Variants in SPATS2 observed in about 807,000 individuals in gnomAD.
SPATS2 encodes the protein spermatogenesis-associated serine-rich protein 2.
A neutral mutation model predicts 63.7 loss-of-function variants in SPATS2; 38 were observed. That is an observed-to-expected ratio of 0.60 (90% CI 0.46 to 0.78). The LOEUF (loss-of-function observed/expected upper bound fraction) is 0.78. Among genes scored for constraint, SPATS2 ranks in the 30% least tolerant of loss-of-function variants. The pLI is 0.00. For synonymous variants in SPATS2, 207 were observed against 232.9 expected (o/e 0.89, Z 1.01); for missense variants, 588 against 666.2 (o/e 0.88, Z 1.29).
chr12:49,378,321 G>A (rs1021208696), intron 2 of SPATS2, among the ~76,000 whole-genome samples: 5 of 142,340 alleles, frequency 3.5e-5, no homozygotes, highest in East Asian at 3.9e-4. Context: ...CTTTTGAGAC[G>A]GAGTCTCACT....
At chr12:49,478,284 C>A (rs1483544342) in intron 3 of SPATS2, among the ~76,000 whole-genome samples, 5 of 152,134 alleles carry the variant, frequency 3.3e-5, no homozygotes, top group Non-Finnish European at 7.4e-5. Flanking sequence ...CAGCCAGAAT[C>A]TTTAGTTGTG....
chr12:49,491,750 A>G (rs1037674999), intron 6 of SPATS2, among the ~76,000 whole-genome samples: 1 of 152,196 alleles, frequency 6.6e-6, no homozygotes, highest in African/African-American at 2.4e-5. Context: ...CAAATACATA[A>G]TACAACGCCT....
chr12:49,449,553 G>A (rs762087875), intron 2 of SPATS2, among the ~76,000 whole-genome samples: 3 of 152,078 alleles, frequency 2.0e-5, no homozygotes, highest in Non-Finnish European at 2.9e-5. Context: ...CTGTTCCCAC[G>A]CTGCAAATAA....
chr12:49,409,567 C>T (rs189457938), intron 2 of SPATS2, among the ~76,000 whole-genome samples: 1 of 145,826 alleles, frequency 6.9e-6, no homozygotes, highest in East Asian at 2.0e-4. Context: ...GCTGGAATTA[C>T]AGGCGTGAGC....
chr12:49,379,374 C>T (rs1592340715), intron 2 of SPATS2, among the ~76,000 whole-genome samples: 4 of 148,940 alleles, frequency 2.7e-5, no homozygotes, highest in Non-Finnish European at 4.5e-5. Context: ...GGTGAAACCC[C>T]GTCTCTACTA....
chr12:49,423,118 A>G (rs1285938266), intron 2 of SPATS2, among the ~76,000 whole-genome samples: 1 of 150,894 alleles, frequency 6.6e-6, no homozygotes, highest in Non-Finnish European at 1.5e-5. Flanking sequence ...TTGCCTTGCT[A>G]GCACTCTGGT....
chr12:49,462,711 G>A (rs987735628), intron 3 of SPATS2: 3 of 516,226 alleles, frequency 5.8e-6, no homozygotes, highest in African/African-American at 1.9e-5. Flanking sequence ...TTGGTGGGGT[G>A]CGGGTAGATA....
chr12:49,481,075 T>C (rs1441209946), intron 3 of SPATS2, among the ~76,000 whole-genome samples: 3 of 152,200 alleles, frequency 2.0e-5, no homozygotes, highest in Non-Finnish European at 4.4e-5. Flanking sequence ...ACAAAACCTG[T>C]AGTATTTACA....
At chr12:49,460,104 G>A (rs1353719490) in intron 2 of SPATS2, among the ~76,000 whole-genome samples, 2 of 151,030 alleles carry the variant, frequency 1.3e-5, no homozygotes, top group African/African-American at 2.4e-5. Context: ...GCGAAACTCC[G>A]CCTCAAAAAA....
chr12:49,378,489 G>A (rs906185347), intron 2 of SPATS2, among the ~76,000 whole-genome samples: 1 of 151,266 alleles, frequency 6.6e-6, no homozygotes, highest in Admixed American at 6.6e-5. Flanking sequence ...TAGTAGAGAC[G>A]GGTTTCACCG....
intron 1 of SPATS2, among the ~76,000 whole-genome samples, chr12:49,369,766 GT>G (rs1943966933): frequency 6.6e-6 from 1 of 152,186 alleles, no homozygotes; most frequent in Non-Finnish European, 1.5e-5. Context: ...ACCACACTTA[GT>G]TTTCTGTTTA....
At chr12:49,426,204 A>G (rs894559977) in intron 2 of SPATS2, among the ~76,000 whole-genome samples, 1 of 148,916 alleles carries the variant, frequency 6.7e-6, no homozygotes, top group African/African-American at 2.5e-5. Flanking sequence ...TTTTTGGTAA[A>G]CTTTTTTTTT....
chr12:49,518,256 C>T (rs898482100), intron 10 of SPATS2, among the ~76,000 whole-genome samples: 24 of 152,286 alleles, frequency 1.6e-4, no homozygotes, highest in African/African-American at 4.3e-4. Flanking sequence ...AGAGAACATT[C>T]GTTGGGTGGT....
chr12:49,498,145 A>ATAT (rs1555191173), intron 8 of SPATS2, among the ~76,000 whole-genome samples: 1,334 of 98,894 alleles, frequency 0.013, 14 homozygotes, highest in Middle Eastern at 0.019. Context: ...AAAAAAAAAA[A>ATAT]ATATATATAT....
At chr12:49,505,079 T>TA (rs1946634861) in intron 9 of SPATS2, among the ~76,000 whole-genome samples, 1 of 151,920 alleles carries the variant, frequency 6.6e-6, no homozygotes, top group African/African-American at 2.4e-5. Flanking sequence ...CTTTTTTTTT[T>TA]AACGTTAAAT....
At chr12:49,487,715 A>G (rs1008420234) in intron 4 of SPATS2, among the ~76,000 whole-genome samples, 2 of 151,862 alleles carry the variant, frequency 1.3e-5, no homozygotes, top group African/African-American at 4.8e-5. Context: ...CTCCCGCCTC[A>G]CCCTCCTGAG....
At chr12:49,516,138 CAAAAAAAAAAAAA>C (rs57936702) in intron 10 of SPATS2, among the ~76,000 whole-genome samples, 59 of 3,482 alleles carry the variant, frequency 0.017, no homozygotes, top group African/African-American at 0.027. Context: ...GACTCCATCT[CAAAAAAAAAAAAA>C]AAAAAAAAAA....
chr12:49,421,912 CAAT>C (rs1331197987), intron 2 of SPATS2, among the ~76,000 whole-genome samples: 4 of 152,098 alleles, frequency 2.6e-5, no homozygotes, highest in Non-Finnish European at 4.4e-5. Flanking sequence ...TTGTAAAGAA[CAAT>C]AATGATAATT....
intron 4 of SPATS2, among the ~76,000 whole-genome samples, chr12:49,486,630 G>T (rs1000147349): frequency 3.3e-5 from 5 of 151,992 alleles, no homozygotes; most frequent in Non-Finnish European, 7.4e-5. Flanking sequence ...CACTTGTATG[G>T]TTTTTTTATT....
Sources: allele counts gnomAD v4.1 joint callset (sites outside exome capture counted in the v4.1 genomes callset), GRCh38; gene constraint gnomAD v4.1.1; transcripts MANE v1.5; gene names NCBI Gene and HGNC (gene_info 2026-07-23, HGNC 2026-07-21).